The following TMEM268 variants were observed in gnomAD, a reference collection of about 807,000 sequenced individuals.
TMEM268 encodes the protein transmembrane protein 268, also known as transmembrane protein C9orf91.
Under a neutral mutation model 39.1 loss-of-function variants are expected in TMEM268, and 24 were observed. The ratio of observed to expected loss-of-function variants is 0.61; its 90% CI spans 0.44 to 0.86. The LOEUF (loss-of-function observed/expected upper bound fraction) is 0.86. TMEM268 is among the 40% of genes least tolerant of loss of function. TMEM268 has a pLI of 0.00. For missense variants in TMEM268, 409 were observed against 428.6 expected (o/e 0.95, Z 0.40); for synonymous variants, 176 against 173.5 (o/e 1.01, Z -0.12).
intron 8 of TMEM268, 141 bp from the exon 9 acceptor site, chr9:114,642,993 T>C: frequency 5.1e-6 from 4 of 791,072 alleles, no homozygotes; most frequent in African/African-American, 3.5e-5. Context: ...TCCTAGGTGC[T>C]GACCTGGCCT....
At chr9:114,613,202 TTAG>T (rs1845573377) in intron 1 of TMEM268, among the ~76,000 whole-genome samples, 1 of 152,094 alleles carries the variant, frequency 6.6e-6, no homozygotes, top group Non-Finnish European at 1.5e-5. Flanking sequence ...AGCCTGCTGA[TTAG>T]TACTTTGTGA....
chr9:114,636,296 T>C (rs2133697094), intron 6 of TMEM268, among the ~76,000 whole-genome samples: 1 of 152,206 alleles, frequency 6.6e-6, no homozygotes, highest in African/African-American at 2.4e-5. Context: ...GTTGATTACC[T>C]CAGACCTGGT....
intron 1 of TMEM268, among the ~76,000 whole-genome samples, chr9:114,613,632 T>A (rs1203497972): frequency 1.3e-5 from 2 of 152,196 alleles, no homozygotes; most frequent in African/African-American, 4.8e-5. Context: ...TCTCCTGCTG[T>A]GGGCCAGGTG....
chr9:114,637,288 C>CTTTTTTTTTTTTTTTTTTTTTTTT (rs33946644), intron 7 of TMEM268, among the ~76,000 whole-genome samples: 1 of 127,336 alleles, frequency 7.9e-6, no homozygotes, highest in African/African-American at 3.0e-5. Context: ...TATATTTCTT[C>CTTTTTTTTTTTTTTTTTTTTTTTT]TTTTTTTTTT....
intron 8 of TMEM268, among the ~76,000 whole-genome samples, chr9:114,642,624 TA>T (rs925056806): frequency 2.0e-5 from 3 of 151,692 alleles, no homozygotes. Context: ...TTTCTTTTTA[TA>T]TTTTTAAAAT....
intron 5 of TMEM268, among the ~76,000 whole-genome samples, chr9:114,630,653 G>A (rs1846356599): frequency 6.6e-6 from 1 of 152,172 alleles, no homozygotes; most frequent in Admixed American, 6.5e-5. Context: ...CCCTCATAGG[G>A]TTATTGTGAG....
At chr9:114,628,893 T>A (rs1286109459) in intron 5 of TMEM268, among the ~76,000 whole-genome samples, 2 of 152,234 alleles carry the variant, frequency 1.3e-5, no homozygotes, top group African/African-American at 2.4e-5. Flanking sequence ...TTGTTTTCTG[T>A]CTCTTCAGTG....
intron 5 of TMEM268, among the ~76,000 whole-genome samples, chr9:114,630,156 A>G (rs776685342): frequency 2.0e-5 from 3 of 152,124 alleles, no homozygotes; most frequent in Non-Finnish European, 4.4e-5. Flanking sequence ...TTCAGCTGGT[A>G]TTTATGAAGC....
At chr9:114,633,667 C>G in intron 5 of TMEM268, 101 bp from the exon 6 acceptor site, 1 of 580,894 alleles carries the variant, frequency 1.7e-6, no homozygotes, top group South Asian at 2.4e-5. Context: ...GGGATTGTCC[C>G]TTGGCATCTG....
intron 6 of TMEM268, among the ~76,000 whole-genome samples, chr9:114,635,067 G>T (rs150111920): frequency 6.6e-6 from 1 of 152,148 alleles, no homozygotes; most frequent in South Asian, 2.1e-4. Flanking sequence ...TGGGCTGGGC[G>T]TGGTGGCTCA....
At chr9:114,618,460 A>G (rs1845820690) in intron 2 of TMEM268, among the ~76,000 whole-genome samples, 1 of 151,962 alleles carries the variant, frequency 6.6e-6, no homozygotes, top group African/African-American at 2.4e-5. Context: ...TTCAAACAGT[A>G]CTTGAGTACA....
At position 114,616,106 on chromosome 9, in the gene TMEM268, C is replaced by A. The variant is rs867738548; in HGVS notation, c.-78-1012C>A. On this transcript the variant is annotated intron_variant, in intron 1 of 8. Coordinates refer to ENST00000288502, the MANE Select transcript of TMEM268 (RefSeq NM_153045.4). ...TCTCTGCTCACTGCAAGCTCCACCC[C>A]CCGGGTTCACGCCATTCTCCTGCCT... Among the ~76,000 whole-genome samples the A allele has an allele frequency of 5.4e-4, 81 of 149,286 alleles. No homozygotes were observed. The Middle Eastern group carries it at 0.018, about 33-fold the overall frequency.
intron 8 of TMEM268, among the ~76,000 whole-genome samples, chr9:114,639,847 A>C (rs981608684): frequency 6.7e-6 from 1 of 149,394 alleles, no homozygotes; most frequent in Non-Finnish European, 1.5e-5. Flanking sequence ...AGCCTCCCAA[A>C]GTCCTAGGAT....
chr9:114,635,784 A>G (rs1310117184), intron 6 of TMEM268, among the ~76,000 whole-genome samples: 1 of 152,156 alleles, frequency 6.6e-6, no homozygotes, highest in Non-Finnish European at 1.5e-5. Context: ...CTTCAGATTC[A>G]CTGGGGGGTG....
chr9:114,612,747 C>G (rs188325060), intron 1 of TMEM268, among the ~76,000 whole-genome samples: 1 of 152,200 alleles, frequency 6.6e-6, no homozygotes, highest in African/African-American at 2.4e-5. Flanking sequence ...ACCCTTCCCC[C>G]ACCCCAACCA....
At chr9:114,627,769 C>T (rs1051428246) in intron 4 of TMEM268, among the ~76,000 whole-genome samples, 1 of 152,154 alleles carries the variant, frequency 6.6e-6, no homozygotes, top group Non-Finnish European at 1.5e-5. Context: ...TATAAATTGT[C>T]CAAAGCCATA....
chr9:114,634,088 C>T (rs112838943), intron 6 of TMEM268, among the ~76,000 whole-genome samples: 10 of 152,214 alleles, frequency 6.6e-5, no homozygotes, highest in Non-Finnish European at 1.2e-4. Context: ...GGAACCTCCA[C>T]GTGGCAGGGC....
chr9:114,605,790 T>C, the TMEM268 span, among the ~76,000 whole-genome samples: 25,935 of 151,654 alleles, frequency 0.17, 2,578 homozygotes, highest in East Asian at 0.41. Context: ...TAGTTGGATA[T>C]GGTGGTGGCG....
At chr9:114,613,233 G>GT (rs796818267) in intron 1 of TMEM268, among the ~76,000 whole-genome samples, 2 of 152,240 alleles carry the variant, frequency 1.3e-5, no homozygotes, top group African/African-American at 4.8e-5. Flanking sequence ...ATGGGGCCAA[G>GT]TAGAGTGCTG....
Sources: allele counts gnomAD v4.1 joint callset (sites outside exome capture counted in the v4.1 genomes callset), GRCh38; gene constraint gnomAD v4.1.1; transcripts MANE v1.5; gene names NCBI Gene and HGNC (gene_info 2026-07-23, HGNC 2026-07-21).